FRMD5: variants seen among roughly 807,000 people sequenced by gnomAD.
The protein encoded by FRMD5 is FERM domain containing 5.
FRMD5 carries 20 observed loss-of-function variants against 69.0 expected under a neutral mutation model. The observed-to-expected ratio is 0.29, with a 90% CI of 0.20 to 0.42. FRMD5 has a LOEUF of 0.42. Among genes scored for constraint, FRMD5 ranks in the 10% least tolerant of loss-of-function variants. FRMD5 has a pLI of 1.00. For synonymous variants in FRMD5, 271 were observed against 260.1 expected (o/e 1.04, Z -0.40); for missense variants, 595 against 708.6 (o/e 0.84, Z 1.82).
At chr15:43,912,690 T>A (rs2089309982) in intron 4 of FRMD5, among the ~76,000 whole-genome samples, 1 of 151,736 alleles carries the variant, frequency 6.6e-6, no homozygotes, top group South Asian at 2.1e-4. Flanking sequence ...CCCGTCAGAA[T>A]CTGTATGTGT....
intron 1 of FRMD5, among the ~76,000 whole-genome samples, chr15:43,996,802 C>G (rs1400565937): frequency 1.5e-5 from 2 of 135,322 alleles, no homozygotes; most frequent in African/African-American, 5.6e-5. Context: ...GTTGAAAATG[C>G]AGAATTTTAG....
chr15:44,122,780 T>C (rs1448751091), intron 1 of FRMD5, among the ~76,000 whole-genome samples: 7 of 151,570 alleles, frequency 4.6e-5, no homozygotes, highest in Non-Finnish European at 1.0e-4. Flanking sequence ...GGCGGGCACC[T>C]GTAGTCCCAG....
At chr15:44,100,804 T>A (rs2076627235) in intron 1 of FRMD5, among the ~76,000 whole-genome samples, 1 of 152,196 alleles carries the variant, frequency 6.6e-6, no homozygotes, top group Non-Finnish European at 1.5e-5. Flanking sequence ...ATTCTTTTTA[T>A]TCATTAGACT....
chr15:44,063,607 A>G, intron 1 of FRMD5: 1 of 523,874 alleles, frequency 1.9e-6, no homozygotes, highest in South Asian at 1.4e-5. Context: ...TATTGTTGCC[A>G]TCAATGATCC....
At chr15:43,936,440 C>T (rs972187230) in intron 1 of FRMD5, among the ~76,000 whole-genome samples, 13 of 152,212 alleles carry the variant, frequency 8.5e-5, no homozygotes, top group Admixed American at 5.9e-4. Context: ...GTCCTTCTGC[C>T]TTGGCCTCCC....
rs1250742459 is a variant in FRMD5 at position 43,902,181 on chromosome 15, T to C, written c.633A>G (p.Pro211=). 3 of 1,613,322 alleles carry C rather than the reference T, an allele frequency of 1.9e-6. No individual in the cohort carries two copies. The highest frequency in any genetic ancestry group is 1.7e-6 in the Non-Finnish European group (2 of 1,179,242). ...TLETYGVDPH[P]CKDVSGNAAF... is the part of the protein sequence containing the mutation. ...TCCAACCAGGGGGTCTTACCTTACA[T>C]GGGTGAGGATCCACTCCATATGTTT... The change falls in exon 7 of 14, where the codon CCA becomes CCG. Residue 211 remains proline, a synonymous_variant. Coordinates refer to ENST00000417257, the MANE Select transcript of FRMD5 (RefSeq NM_032892.5).
chr15:44,064,491 A>G (rs1893227487), intron 1 of FRMD5, among the ~76,000 whole-genome samples: 1 of 152,186 alleles, frequency 6.6e-6, no homozygotes, highest in African/African-American at 2.4e-5. Context: ...CTGGAGGCTG[A>G]GGCAGGAGAA....
intron 1 of FRMD5, among the ~76,000 whole-genome samples, chr15:43,927,625 A>G (rs1347680844): frequency 6.6e-6 from 1 of 152,230 alleles, no homozygotes; most frequent in African/African-American, 2.4e-5. Context: ...TATCTCTCTC[A>G]GAGCAACTGA....
chr15:44,012,288 G>C (rs1328642555), intron 1 of FRMD5, among the ~76,000 whole-genome samples: 1 of 152,168 alleles, frequency 6.6e-6, no homozygotes, highest in Non-Finnish European at 1.5e-5. Flanking sequence ...CACTTCCAAA[G>C]TCTTCCTGAC....
intron 13 of FRMD5, among the ~76,000 whole-genome samples, chr15:43,881,312 C>T (rs1419803131): frequency 6.6e-6 from 1 of 152,178 alleles, no homozygotes; most frequent in Non-Finnish European, 1.5e-5. Flanking sequence ...GAATTTCATT[C>T]TACTTCCTGA....
intron 1 of FRMD5, among the ~76,000 whole-genome samples, chr15:43,953,483 T>G (rs1046180485): frequency 6.6e-6 from 1 of 152,222 alleles, no homozygotes; most frequent in Non-Finnish European, 1.5e-5. Flanking sequence ...CTTGGTCAGA[T>G]AGCAACAGGA....
At chr15:44,195,347 C>T (rs999869281), upstream of FRMD5, 4 of 453,918 alleles carry the variant, frequency 8.8e-6, no homozygotes, top group Non-Finnish European at 1.6e-5. Flanking sequence ...TGGGGGTCAG[C>T]GCGGCGGAAC....
At chr15:43,929,084 G>A (rs1187646833) in intron 1 of FRMD5, among the ~76,000 whole-genome samples, 1 of 152,082 alleles carries the variant, frequency 6.6e-6, no homozygotes, top group Non-Finnish European at 1.5e-5. Context: ...TCTATATGGT[G>A]CACAGAATGA....
intron 10 of FRMD5, among the ~76,000 whole-genome samples, chr15:43,887,880 G>A (rs2088700665): frequency 6.6e-6 from 1 of 152,236 alleles, no homozygotes; most frequent in South Asian, 2.1e-4. Flanking sequence ...AGGGCTTAGT[G>A]AGACATATTT....
intron 4 of FRMD5, among the ~76,000 whole-genome samples, chr15:43,918,195 G>A (rs1228743786): frequency 6.6e-6 from 1 of 152,206 alleles, no homozygotes; most frequent in African/African-American, 2.4e-5. Flanking sequence ...GGAGGCTGAG[G>A]CAGGCGGGTC....
At chr15:44,018,728 C>G (rs1234670304) in intron 1 of FRMD5, among the ~76,000 whole-genome samples, 1 of 152,106 alleles carries the variant, frequency 6.6e-6, no homozygotes, top group South Asian at 2.1e-4. Context: ...ATCATCTGGT[C>G]AAATAGAGAC....
intron 1 of FRMD5, among the ~76,000 whole-genome samples, chr15:43,940,157 C>T (rs926125687): frequency 3.3e-5 from 5 of 152,072 alleles, no homozygotes; most frequent in African/African-American, 9.7e-5. Context: ...GGAGCCTGGG[C>T]GACAGGGCAA....
chr15:44,127,486 T>C (rs1470759411), intron 1 of FRMD5, among the ~76,000 whole-genome samples: 2 of 152,182 alleles, frequency 1.3e-5, no homozygotes, highest in East Asian at 3.8e-4. Context: ...TGAAAAGCAA[T>C]GACTATCCAT....
At chr15:44,179,763 A>G (rs914027139) in intron 1 of FRMD5, among the ~76,000 whole-genome samples, 9 of 152,230 alleles carry the variant, frequency 5.9e-5, no homozygotes, top group African/African-American at 2.2e-4. Context: ...TTGGCAAATA[A>G]GAGGGTTACA....
Sources: allele counts gnomAD v4.1 joint callset (sites outside exome capture counted in the v4.1 genomes callset), GRCh38; gene constraint gnomAD v4.1.1; transcripts MANE v1.5; gene names NCBI Gene and HGNC (gene_info 2026-07-23, HGNC 2026-07-21).